FRAS1: variants seen among roughly 807,000 people sequenced by gnomAD.
FRAS1 encodes the protein extracellular matrix organizing protein FRAS1.
In FRAS1, 290 loss-of-function variants were observed where a neutral mutation model predicts 435.2. That is an observed-to-expected ratio of 0.67 (90% CI 0.61 to 0.73). The LOEUF (loss-of-function observed/expected upper bound fraction) is 0.73. Ranked by LOEUF, FRAS1 falls within the 30% of genes least tolerant of loss-of-function variation. The pLI, the probability that FRAS1 is intolerant of heterozygous loss-of-function variation, is 0.00. For synonymous variants in FRAS1, 1,800 were observed against 1,851.0 expected, an observed-to-expected ratio of 0.97 and a Z score of 0.71; for missense variants, 4,860 against 5,001.5, an observed-to-expected ratio of 0.97 and a Z score of 0.85.
At chr4:78,380,051 A>G in intron 27 of FRAS1, 55 bp downstream of exon 27, 3 of 1,577,468 alleles carry the variant, frequency 1.9e-6, no homozygotes. Flanking sequence ...TTGCTTTTCC[A>G]CTCCTCCACC....
intron 2 of FRAS1, among the ~76,000 whole-genome samples, chr4:78,188,279 G>GTCTA (rs998341866): frequency 0.092 from 2,356 of 25,590 alleles, 63 homozygotes; most frequent in African/African-American, 0.17. Flanking sequence ...CTATCTGTCT[G>GTCTA]TCTATCTATC....
chr4:78,203,742 A>AT (rs1723141977), intron 2 of FRAS1, among the ~76,000 whole-genome samples: 1 of 151,812 alleles, frequency 6.6e-6, no homozygotes, highest in South Asian at 2.1e-4. Flanking sequence ...AATTTTTCAT[A>AT]TTTTTAGTAG....
intron 2 of FRAS1, among the ~76,000 whole-genome samples, chr4:78,140,678 TATATGC>T (rs1481174790): frequency 1.1e-4 from 15 of 140,274 alleles, no homozygotes; most frequent in South Asian, 2.1e-4. Context: ...TGTGTATATG[TATATGC>T]ATATACATAT....
chr4:78,513,299 G>T, intron 64 of FRAS1, 93 bp from the exon 65 acceptor site: 2 of 1,298,250 alleles, frequency 1.5e-6, no homozygotes, highest in Non-Finnish European at 2.2e-6. Context: ...GTAGCTCATT[G>T]GTGAAGACAA....
Position 78,058,021 on chromosome 4 carries a change from C to G in FRAS1, c.12C>G (p.Leu4=), listed in dbSNP as rs748642523. Residue 4 remains leucine (L), a synonymous_variant, in exon 1 of 74, where the codon CTC becomes CTG. Coordinates refer to ENST00000512123, the MANE Select transcript of FRAS1 (RefSeq NM_025074.7). ...GTGCCGAGGCGGCGATGGGTGTCCT[C>G]AAAGTGTGGCTCGGGCTGGCCCTAG... The part of the protein sequence containing the change: MGV[L]KVWLGLALAL... 6.2e-7 allele frequency: 1 copy of G among 1,613,954 alleles called. No homozygotes were observed. Among genetic ancestry groups the G allele is most frequent in the South Asian group, 1.1e-5 (1 of 91,086 alleles).
intron 34 of FRAS1, among the ~76,000 whole-genome samples, chr4:78,422,783 G>A (rs1733840462): frequency 6.6e-6 from 1 of 152,206 alleles, no homozygotes; most frequent in African/African-American, 2.4e-5. Context: ...TTTGACTGCA[G>A]TGATGTCAAT....
rs915784226 is a variant in FRAS1 at position 78,430,153 on chromosome 4, T to C, written c.4844-139T>C. The C allele has an allele frequency of 5.2e-6, 5 of 958,814 alleles. No homozygotes were observed. The Admixed American group carries it at 6.7e-5, about 13-fold the overall frequency. 59.4% of individuals were successfully genotyped at this position (958,814 alleles called of 1,614,324 possible). ...TCTGTTTTTACTCTTTTGTGCCTGATTGGAATGAAGCAGTGCTTTCTGATA... is the reference window on the plus strand; with the variant it reads ...TCTGTTTTTACTCTTTTGTGCCTGACTGGAATGAAGCAGTGCTTTCTGATA... On this transcript the variant is annotated intron_variant, in intron 36 of 73. Coordinates refer to ENST00000512123, the MANE Select transcript of FRAS1 (RefSeq NM_025074.7).
intron 2 of FRAS1, among the ~76,000 whole-genome samples, chr4:78,082,909 G>A (rs1304682114): frequency 6.6e-6 from 1 of 152,104 alleles, no homozygotes; most frequent in African/African-American, 2.4e-5. Flanking sequence ...CACCTATACT[G>A]ATATTTCACA....
intron 47 of FRAS1, among the ~76,000 whole-genome samples, chr4:78,460,571 A>G (rs960794200): frequency 5.3e-5 from 8 of 152,242 alleles, no homozygotes; most frequent in African/African-American, 9.6e-5. Flanking sequence ...TTGCGTAACA[A>G]TTCTGAGAAA....
rs1720474637 is a variant in FRAS1 at position 78,495,101 on chromosome 4, C to T, written c.8959-1704C>T. On this transcript the variant is annotated intron_variant, in intron 59 of 73. Transcript: ENST00000512123. ...TACTAATCTTTCATATGCTTGCTAGCTTATTGGGTTTCCAATAAGCATATA... is the reference window on the plus strand; with the variant it reads ...TACTAATCTTTCATATGCTTGCTAGTTTATTGGGTTTCCAATAAGCATATA... Among the ~76,000 whole-genome samples, 3 of 152,042 alleles carry T rather than the reference C, an allele frequency of 2.0e-5. 1 individual carries two copies. In the East Asian group the frequency reaches 5.8e-4, roughly 29 times the overall value.
chr4:78,537,981 TGAAAAAGCTATTAACTACATAGCTTTA>T (rs1721935898), intron 72 of FRAS1, among the ~76,000 whole-genome samples: 1 of 151,912 alleles, frequency 6.6e-6, no homozygotes, highest in African/African-American at 2.4e-5. Flanking sequence ...CATAATTGTT[TGAAAAAGCTATTAACTACATAGCTTTA>T]TGAGGCCAGA....
chr4:78,255,301 T>C lies in FRAS1; in HGVS notation c.529T>C (p.Cys177Arg), dbSNP rs923472563. The C allele has an allele frequency of 6.4e-7, 1 of 1,562,648 alleles. No individual in the cohort carries two copies. The highest frequency in any genetic ancestry group is 1.4e-5 in the African/African-American group (1 of 73,774). ...QDGEDWRLSR[C>R]AKCLCRNGVA... ...TGGGGAGGACTGGCGGCTGAGCCGG[T>C]GTGCCAAATGTCTGTGTAGAAATGG... The change falls in exon 6 of 74, where the codon TGT (cysteine) becomes CGT (arginine). Residue 177 changes from cysteine to arginine, a missense_variant. Transcript: ENST00000512123.
chr4:78,363,886 T>A (rs1198766026), intron 21 of FRAS1, 22 bp from the exon 22 acceptor site: 4 of 1,596,736 alleles, frequency 2.5e-6, no homozygotes, highest in Non-Finnish European at 3.4e-6. Context: ...TGGTTTCTGT[T>A]GTGTCTCTTT....
chr4:78,131,901 A>G (rs1358579436), intron 2 of FRAS1, among the ~76,000 whole-genome samples: 1 of 152,266 alleles, frequency 6.6e-6, no homozygotes, highest in African/African-American at 2.4e-5. Context: ...TCTGGGTAAT[A>G]GCGTCTGCAT....
At chr4:78,132,137 T>C (rs959150782) in intron 2 of FRAS1, among the ~76,000 whole-genome samples, 3 of 152,334 alleles carry the variant, frequency 2.0e-5, no homozygotes, top group South Asian at 4.1e-4. Flanking sequence ...TTTTGGTGTT[T>C]TATTTTTATT....
chr4:78,205,972 A>G (rs1427246268), intron 2 of FRAS1, among the ~76,000 whole-genome samples: 1 of 152,148 alleles, frequency 6.6e-6, no homozygotes, highest in Non-Finnish European at 1.5e-5. Flanking sequence ...AGAATTCTAA[A>G]GGCAGTAGTT....
chr4:78,436,703 C>T (rs1424028314), intron 38 of FRAS1, among the ~76,000 whole-genome samples: 2 of 151,674 alleles, frequency 1.3e-5, no homozygotes, highest in African/African-American at 2.4e-5. Context: ...AAAAAAATTG[C>T]AAAAGAGTAA....
Position 78,432,528 on chromosome 4 carries a change from C to T in FRAS1, c.5141C>T (p.Ala1714Val). ...SLSEDRGPRL[A>V]AGSSLSITVA... ...TCAGAAGACCGAGGGCCTCGACTGG[C>T]TGCTGGCTCCTCTCTGAGCATTACT... is the stretch of plus-strand genomic sequence containing the variant. The change falls in exon 38 of 74, where the codon GCT becomes GTT. Residue 1714 changes from alanine to valine, a missense_variant. By Grantham distance (64) the Ala-to-Val change is moderately conservative. Coordinates refer to ENST00000512123, the MANE Select transcript of FRAS1 (RefSeq NM_025074.7). 1 of 1,612,880 alleles carries T rather than the reference C, an allele frequency of 6.2e-7. No individual in the cohort carries two copies.
chr4:78,112,711 T>A (rs1446736907), intron 2 of FRAS1, among the ~76,000 whole-genome samples: 1 of 152,112 alleles, frequency 6.6e-6, no homozygotes, highest in Non-Finnish European at 1.5e-5. Context: ...GCTTCATAGA[T>A]ATATTTTTCT....
Sources: allele counts gnomAD v4.1 joint callset (sites outside exome capture counted in the v4.1 genomes callset), GRCh38; gene constraint gnomAD v4.1.1; transcripts MANE v1.5; gene names NCBI Gene and HGNC (gene_info 2026-07-23, HGNC 2026-07-21).